The following RHOBTB3 variants were observed in gnomAD, a reference collection of about 807,000 sequenced individuals.
RHOBTB3 encodes Rho related BTB domain containing 3.
RHOBTB3 carries 47 observed loss-of-function variants against 67.2 expected under a neutral mutation model. That is an observed-to-expected ratio of 0.70 (90% CI 0.55 to 0.89). The LOEUF (loss-of-function observed/expected upper bound fraction) is 0.89. Among genes scored for constraint, RHOBTB3 ranks in the 40% least tolerant of loss-of-function variants. The pLI, the probability that RHOBTB3 is intolerant of heterozygous loss-of-function variation, is 0.00. For synonymous variants in RHOBTB3, 273 were observed against 274.2 expected (o/e 1.00, Z 0.04); for missense variants, 631 against 750.0 (o/e 0.84, Z 1.85).
At chr5:95,770,543 G>T in intron 8 of RHOBTB3, 1 of 394,764 alleles carries the variant, frequency 2.5e-6, no homozygotes, top group Non-Finnish European at 5.1e-6. Context: ...TGTGAATATG[G>T]TGGAAGAGGA....
At position 95,763,652 on chromosome 5, in the gene RHOBTB3, T is replaced by A. The variant is rs200204160; in HGVS notation, c.1161+32T>A. 1.2e-5 allele frequency: 16 copies of A among 1,285,646 alleles called. No homozygotes were observed. In the East Asian group the frequency reaches 3.5e-4, roughly 28 times the overall value. 79.6% of individuals were successfully genotyped at this position (1,285,646 alleles called of 1,614,324 possible). A position where few individuals can be genotyped will look rare whatever the true frequency, so the allele number is the denominator to read the frequency against. On this transcript the variant is annotated intron_variant, in intron 7 of 11. Coordinates refer to ENST00000379982, the MANE Select transcript of RHOBTB3 (RefSeq NM_014899.4). ...TGATTTGTTGTAAGTTAGTTTACTT[T>A]GACCCTCTGAATTATAACTCACATA...
In RHOBTB3 at chr5:95,732,074, G is replaced by C; in HGVS notation, c.218G>C (p.Cys73Ser). The change falls in exon 2 of 12, where the codon TGT (cysteine) becomes TCT (serine). Residue 73 changes from cysteine (C) to serine (S), a missense_variant. Physicochemically the swap from Cys to Ser is moderately radical, Grantham distance 112 (BLOSUM62 -1). Coordinates refer to ENST00000379982, the MANE Select transcript of RHOBTB3 (RefSeq NM_014899.4). ...FGNVKLVVHD[C>S]PVWDIFDSDW... ...AATGTCAAGCTGGTGGTCCACGACT[G>C]TCCCGTCTGGGTAAGGAAGAGCAGC... 6.2e-7 allele frequency: 1 copy of C among 1,614,120 alleles called. No individual in the cohort carries two copies. Among genetic ancestry groups the C allele is most frequent in the Middle Eastern group, 1.6e-4 (1 of 6,062 alleles).
intron 8 of RHOBTB3, among the ~76,000 whole-genome samples, chr5:95,778,331 T>C (rs1307740997): frequency 6.6e-6 from 1 of 152,148 alleles, no homozygotes; most frequent in Non-Finnish European, 1.5e-5. Context: ...AAATAGTTGT[T>C]ATACTGTATT....
In RHOBTB3 at chr5:95,769,930, C is replaced by G. The variant is rs143533955; in HGVS notation, c.1282+1764C>G. On this transcript the variant is annotated intron_variant, in intron 8 of 11. Coordinates refer to ENST00000379982, the MANE Select transcript of RHOBTB3 (RefSeq NM_014899.4). ...CTAAAAGCTGGTCCTCAGGTTATAGCAGTAAAAGCTCCAGGTTTGTTGACA... is the reference window on the plus strand; with the variant it reads ...CTAAAAGCTGGTCCTCAGGTTATAGGAGTAAAAGCTCCAGGTTTGTTGACA... 508 of 401,178 alleles carry G rather than the reference C, an allele frequency of 1.3e-3. 2 individuals carry two copies. The highest frequency in any genetic ancestry group is 0.01 in the African/African-American group (481 of 47,948). 24.9% of individuals were successfully genotyped at this position (401,178 alleles called of 1,614,324 possible).
At chr5:95,742,575 ATATTTCTTATTGCTT>A (rs1561441429) in intron 3 of RHOBTB3, among the ~76,000 whole-genome samples, 4 of 151,928 alleles carry the variant, frequency 2.6e-5, no homozygotes, top group African/African-American at 9.7e-5. Flanking sequence ...TCTTTCTTTT[ATATTTCTTATTGCTT>A]TATTTCTTTG....
intron 1 of RHOBTB3, among the ~76,000 whole-genome samples, chr5:95,720,079 G>A (rs1188598340): frequency 6.6e-6 from 1 of 152,168 alleles, no homozygotes; most frequent in Non-Finnish European, 1.5e-5. Flanking sequence ...TTACAAATGA[G>A]CAAATTAGTA....
intron 8 of RHOBTB3, chr5:95,769,300 A>G: frequency 2.1e-6 from 1 of 469,924 alleles, no homozygotes; most frequent in South Asian, 1.6e-5. Flanking sequence ...TAACACTAAG[A>G]TGTTGCCAGT....
chr5:95,781,534 T>G (rs1236609618), intron 9 of RHOBTB3: 1 of 152,256 alleles, frequency 6.6e-6, no homozygotes, highest in Non-Finnish European at 1.5e-5. Context: ...TTGGAGCCAG[T>G]TGCAGTTGTT....
chr5:95,765,472 A>G (rs906312098), intron 7 of RHOBTB3, among the ~76,000 whole-genome samples: 1 of 152,116 alleles, frequency 6.6e-6, no homozygotes, highest in African/African-American at 2.4e-5. Flanking sequence ...TCCCAGGGTA[A>G]GGGGCTGTCT....
chr5:95,776,034 G>A (rs1345350829), intron 8 of RHOBTB3, among the ~76,000 whole-genome samples: 2 of 152,132 alleles, frequency 1.3e-5, no homozygotes, highest in Admixed American at 1.3e-4. Flanking sequence ...ACATTGGAAT[G>A]TAACTTTGAT....
Position 95,788,753 on chromosome 5 carries a change from T to G in RHOBTB3, c.1624-9T>G. 6.4e-7 allele frequency: 1 copy of G among 1,567,680 alleles called. No individual in the cohort carries two copies. The highest frequency in any genetic ancestry group is 8.7e-7 in the Non-Finnish European group (1 of 1,150,766). ...TGCAATATTATTTCACTTTTCATTT[T>G]TCTTGCAGTTTCACCACTCTGATTG... On this transcript the variant is annotated splice_polypyrimidine_tract_variant and intron_variant, in intron 10 of 11. Transcript: ENST00000379982.
intron 7 of RHOBTB3, among the ~76,000 whole-genome samples, chr5:95,764,036 C>T (rs940434323): frequency 6.6e-6 from 1 of 152,112 alleles, no homozygotes; most frequent in Non-Finnish European, 1.5e-5. Context: ...TCTCAAACTC[C>T]TGGGCTCAAG....
intron 6 of RHOBTB3, among the ~76,000 whole-genome samples, chr5:95,761,817 T>C (rs1182786141): frequency 6.6e-6 from 1 of 152,220 alleles, no homozygotes; most frequent in African/African-American, 2.4e-5. Flanking sequence ...CATTGGCTTC[T>C]AAGGGGTTCT....
chr5:95,723,664 T>C (rs1754963320), intron 1 of RHOBTB3, among the ~76,000 whole-genome samples: 1 of 152,358 alleles, frequency 6.6e-6, no homozygotes, highest in African/African-American at 2.4e-5. Flanking sequence ...TTCACAGAGC[T>C]GATTTCTAGG....
intron 6 of RHOBTB3, 56 bp from the exon 7 acceptor site, chr5:95,763,452 C>T (rs1234121257): frequency 4.0e-6 from 4 of 1,003,556 alleles, no homozygotes; most frequent in South Asian, 2.8e-5. Flanking sequence ...AAGAGATTTA[C>T]TTTTGTTACT....
At chr5:95,767,350 T>G (rs1349044683) in intron 7 of RHOBTB3, among the ~76,000 whole-genome samples, 1 of 152,102 alleles carries the variant, frequency 6.6e-6, no homozygotes. Context: ...TTCTTTTTTT[T>G]TTTTGGAGAC....
At position 95,768,036 on chromosome 5, in the gene RHOBTB3, T is replaced by C; in HGVS notation, c.1162-10T>C. Reference sequence around the variant, plus strand: ...ACAACCTTTCCCTGTATTTTTGTTTTCCCTTATAGATTAATTGCCTAAGGA... The same window carrying C: ...ACAACCTTTCCCTGTATTTTTGTTTCCCCTTATAGATTAATTGCCTAAGGA... On this transcript the variant is annotated splice_polypyrimidine_tract_variant and intron_variant, in intron 7 of 11. Transcript: ENST00000379982. The C allele has an allele frequency of 6.2e-7, 1 of 1,611,784 alleles. No homozygotes were observed. Among genetic ancestry groups the C allele is most frequent in the South Asian group, 1.1e-5 (1 of 90,718 alleles).
chr5:95,785,654 A>G (rs1211249047), intron 10 of RHOBTB3, among the ~76,000 whole-genome samples: 3 of 152,102 alleles, frequency 2.0e-5, no homozygotes, highest in Non-Finnish European at 4.4e-5. Flanking sequence ...CATTCATCTC[A>G]TGATAAATAG....
intron 2 of RHOBTB3, 40 bp from the exon 3 acceptor site, chr5:95,736,849 G>A (rs371215900): frequency 1.1e-5 from 15 of 1,322,424 alleles, no homozygotes; most frequent in South Asian, 7.1e-5. Context: ...TTGATTGGAC[G>A]ATAAGTAGAC....
Sources: allele counts gnomAD v4.1 joint callset (sites outside exome capture counted in the v4.1 genomes callset), GRCh38; gene constraint gnomAD v4.1.1; transcripts MANE v1.5; gene names NCBI Gene and HGNC (gene_info 2026-07-23, HGNC 2026-07-21).